RIMS2: variants seen among roughly 807,000 people sequenced by gnomAD.
RIMS2 encodes the protein regulating synaptic membrane exocytosis 2, also known as regulating synaptic membrane exocytosis protein 2.
In RIMS2, 59 loss-of-function variants were observed where a neutral mutation model predicts 174.4. The ratio of observed to expected loss-of-function variants is 0.34; its 90% CI spans 0.27 to 0.42. RIMS2 has a LOEUF of 0.42. Among genes scored for constraint, RIMS2 ranks in the 10% least tolerant of loss-of-function variants. The pLI, the probability that RIMS2 is intolerant of heterozygous loss-of-function variation, is 1.00. For missense variants in RIMS2, 1,620 were observed against 1,666.3 expected (o/e 0.97, Z 0.48); for synonymous variants, 606 against 572.5 (o/e 1.06, Z -0.84).
intron 1 of RIMS2, among the ~76,000 whole-genome samples, chr8:103,651,410 A>G (rs13276150): frequency 0.18 from 26,896 of 152,150 alleles, 2,586 homozygotes; most frequent in African/African-American, 0.24. Flanking sequence ...AGCTTTCCAC[A>G]ACTGTCTACT....
At chr8:104,054,301 T>C (rs562033242) in intron 19 of RIMS2, among the ~76,000 whole-genome samples, 15 of 152,154 alleles carry the variant, frequency 9.9e-5, no homozygotes, top group Non-Finnish European at 2.2e-4. Context: ...TACATGACAT[T>C]AGCTGCTCTC....
At chr8:103,760,127 C>T (rs1169819795) in intron 2 of RIMS2, among the ~76,000 whole-genome samples, 5 of 152,130 alleles carry the variant, frequency 3.3e-5, no homozygotes, top group Admixed American at 2.0e-4. Flanking sequence ...AAAGCCACAG[C>T]GATAGCCAAC....
At chr8:103,577,860 G>C in intron 1 of RIMS2, among the ~76,000 whole-genome samples, 1 of 152,048 alleles carries the variant, frequency 6.6e-6, no homozygotes, top group East Asian at 1.9e-4. Flanking sequence ...TGAAGCAGAG[G>C]TAAGAATTAG....
intron 1 of RIMS2, among the ~76,000 whole-genome samples, chr8:103,590,458 G>C (rs2094197076): frequency 6.6e-6 from 1 of 151,148 alleles, no homozygotes; most frequent in African/African-American, 2.4e-5. Context: ...CTTTCTTCCT[G>C]TGAAACTCTA....
chr8:104,108,255 C>G (rs1207113351), intron 19 of RIMS2, among the ~76,000 whole-genome samples: 3 of 151,902 alleles, frequency 2.0e-5, no homozygotes, highest in Non-Finnish European at 2.9e-5. Flanking sequence ...ATTTAAGAGA[C>G]AAGGGTCTTG....
intron 1 of RIMS2, among the ~76,000 whole-genome samples, chr8:103,603,343 C>T: frequency 6.6e-6 from 1 of 151,672 alleles, no homozygotes; most frequent in African/African-American, 2.4e-5. Context: ...TGTTTTATGG[C>T]TGCATAGTAT....
chr8:103,503,727 T>C (rs1415589993), intron 1 of RIMS2, among the ~76,000 whole-genome samples: 1 of 152,024 alleles, frequency 6.6e-6, no homozygotes, highest in African/African-American at 2.4e-5. Context: ...ATATTAAGTA[T>C]TCATGCAAAG....
At chr8:103,558,425 T>C (rs2090930653) in intron 1 of RIMS2, among the ~76,000 whole-genome samples, 1 of 152,164 alleles carries the variant, frequency 6.6e-6, no homozygotes, top group Non-Finnish European at 1.5e-5. Context: ...GGTTTTGCCA[T>C]GTTGGCCAGG....
chr8:104,160,609 G>A (rs571118994), intron 19 of RIMS2, among the ~76,000 whole-genome samples: 35 of 152,214 alleles, frequency 2.3e-4, no homozygotes, highest in African/African-American at 8.2e-4. Context: ...AAACATGAAG[G>A]TTGCAGTCAT....
intron 19 of RIMS2, among the ~76,000 whole-genome samples, chr8:104,237,827 T>A (rs1369857435): frequency 6.6e-6 from 1 of 152,186 alleles, no homozygotes; most frequent in Non-Finnish European, 1.5e-5. Flanking sequence ...GAGATTTGAA[T>A]TATATTTGTG....
In RIMS2 at chr8:103,949,144, A is replaced by AAAAAAAAAAAGGG. The variant is rs1555024083; in HGVS notation, c.2701+6221_2701+6222insAAAAAAAGGGAAA. Among the ~76,000 whole-genome samples, 596 of 138,410 alleles carry AAAAAAAAAAAGGG rather than the reference A, an allele frequency of 4.3e-3. 9 individuals are homozygous for AAAAAAAAAAAGGG. Among genetic ancestry groups the AAAAAAAAAAAGGG allele is most frequent in the African/African-American group, 0.015 (568 of 37,476 alleles). 90.8% of individuals were successfully genotyped at this position (138,410 alleles called of 152,430 possible). A position where few individuals can be genotyped will look rare whatever the true frequency, so the allele number is the denominator to read the frequency against. On this transcript the variant is annotated intron_variant, in intron 14 of 23. Transcript: ENST00000504942. ...TCTGTCAAAAAAAAAAAAAAAAAAAAAAAGGGAAAGGGAAAGGGAAAGGGA... is the reference window on the plus strand; with the variant it reads ...TCTGTCAAAAAAAAAAAAAAAAAAAAAAAAAAAAAAGGGAAAGGGAAAGGGAAAGGGAAAGGGA...
chr8:103,927,854 A>T (rs1336036041), exon 11 of RIMS2: 9 of 1,607,880 alleles, frequency 5.6e-6, no homozygotes, highest in Non-Finnish European at 7.7e-6. Context: ...CCAAAGCCTT[A>T]GTAGAAGAAC....
chr8:104,024,357 A>C (rs2096196554), intron 19 of RIMS2, among the ~76,000 whole-genome samples: 1 of 152,180 alleles, frequency 6.6e-6, no homozygotes, highest in Non-Finnish European at 1.5e-5. Context: ...TCTTTTGTTA[A>C]AACTATTTTC....
intron 19 of RIMS2, among the ~76,000 whole-genome samples, chr8:104,085,992 T>C (rs1041011637): frequency 2.6e-5 from 4 of 151,958 alleles, no homozygotes; most frequent in Admixed American, 6.6e-5. Context: ...TTAAAATGGG[T>C]AGACAATGGA....
At chr8:103,786,765 G>C (rs1009180570) in intron 3 of RIMS2, among the ~76,000 whole-genome samples, 4 of 152,176 alleles carry the variant, frequency 2.6e-5, no homozygotes, top group East Asian at 1.9e-4. Flanking sequence ...GGGGTGGAGA[G>C]TTCTGTAGAT....
chr8:103,882,494 C>CTA (rs2099172477), intron 3 of RIMS2, among the ~76,000 whole-genome samples: 1 of 151,556 alleles, frequency 6.6e-6, no homozygotes, highest in Non-Finnish European at 1.5e-5. Flanking sequence ...CTGTAAGGTA[C>CTA]TATACCTTAA....
At chr8:103,583,750 A>G (rs551043121) in intron 1 of RIMS2, among the ~76,000 whole-genome samples, 1 of 152,270 alleles carries the variant, frequency 6.6e-6, no homozygotes, top group South Asian at 2.1e-4. Context: ...CAAACAAACA[A>G]TCAAGCATAC....
chr8:103,781,738 CTTTTTTTTTTT>C (rs11308922), intron 3 of RIMS2, among the ~76,000 whole-genome samples: 8 of 88,494 alleles, frequency 9.0e-5, no homozygotes, highest in Admixed American at 1.2e-4. Context: ...CTCCCCTAAT[CTTTTTTTTTTT>C]TTTTTTTTTT....
intron 1 of RIMS2, among the ~76,000 whole-genome samples, chr8:103,607,156 T>C (rs2095138710): frequency 6.6e-6 from 1 of 152,228 alleles, no homozygotes; most frequent in African/African-American, 2.4e-5. Flanking sequence ...TTCCTTTCCA[T>C]GTGTAGTGCT....
Sources: gnomAD v4.1 joint callset for allele counts (sites outside exome capture counted in the v4.1 genomes callset) on GRCh38, gnomAD v4.1.1 for gene constraint, MANE v1.5 for transcripts, NCBI Gene and HGNC (gene_info 2026-07-23, HGNC 2026-07-21) for gene names.